Variants in PLEKHA6 observed in about 807,000 individuals in gnomAD.
PLEKHA6 encodes pleckstrin homology domain-containing family A member 6.
A neutral mutation model predicts 116.7 loss-of-function variants in PLEKHA6; 60 were observed. That is an observed-to-expected ratio of 0.51 (90% CI 0.42 to 0.64). PLEKHA6 has a LOEUF of 0.64. PLEKHA6 is among the 30% of genes least tolerant of loss of function. The pLI, the probability that PLEKHA6 is intolerant of heterozygous loss-of-function variation, is 0.00. For synonymous variants in PLEKHA6, 489 were observed against 556.1 expected, an observed-to-expected ratio of 0.88 and a Z score of 1.70; for missense variants, 1,338 against 1,422.7, an observed-to-expected ratio of 0.94 and a Z score of 0.96.
intron 1 of PLEKHA6, among the ~76,000 whole-genome samples, chr1:204,281,651 G>A (rs1359527185): frequency 6.6e-6 from 1 of 152,130 alleles, no homozygotes; most frequent in African/African-American, 2.4e-5. Flanking sequence ...CAAAATACCA[G>A]TTCTCTGGGT....
At chr1:204,329,117 G>A (rs1457651602) in intron 1 of PLEKHA6, among the ~76,000 whole-genome samples, 13 of 152,196 alleles carry the variant, frequency 8.5e-5, no homozygotes, top group Non-Finnish European at 1.5e-5. Context: ...GATTAGAGGG[G>A]ATAGTTGGGA....
chr1:204,329,440 G>C (rs1178008480), intron 1 of PLEKHA6, among the ~76,000 whole-genome samples: 1 of 152,118 alleles, frequency 6.6e-6, no homozygotes, highest in Non-Finnish European at 1.5e-5. Context: ...CTTACTGTGA[G>C]ATCAAAGAAG....
At chr1:204,368,171 C>T (rs1050569554) in intron 2 of PLEKHA6, among the ~76,000 whole-genome samples, 3 of 152,180 alleles carry the variant, frequency 2.0e-5, no homozygotes, top group African/African-American at 4.8e-5. Flanking sequence ...TGAGCATCTA[C>T]GATGCGCCAG....
intron 7 of PLEKHA6, among the ~76,000 whole-genome samples, chr1:204,260,758 G>T (rs1344903903): frequency 6.6e-6 from 1 of 152,226 alleles, no homozygotes; most frequent in Admixed American, 6.5e-5. Context: ...GACCGTGGGT[G>T]ACGGCGGGCG....
chr1:204,335,248 C>T (rs976010296), intron 1 of PLEKHA6, among the ~76,000 whole-genome samples: 19 of 152,118 alleles, frequency 1.2e-4, no homozygotes. Flanking sequence ...TACACAATCT[C>T]TCCCATTCCC....
At position 204,229,183 on chromosome 1, in the gene PLEKHA6, T is replaced by C. The variant is rs1255335879; in HGVS notation, c.2584-79A>G. 3 of 1,424,728 alleles carry C rather than the reference T, an allele frequency of 2.1e-6. No individual in the cohort carries two copies. In the African/African-American group the frequency reaches 4.2e-5, roughly 20 times the overall value. 88.3% of individuals were successfully genotyped at this position (1,424,728 alleles called of 1,614,324 possible). On this transcript the variant is annotated intron_variant, in intron 18 of 22. Coordinates refer to ENST00000272203, the MANE Select transcript of PLEKHA6 (RefSeq NM_014935.5). Reference sequence around the variant, plus strand: ...CTCTAGCTATGCCCTGTCCTCGCTTTCCCTTCCCAGCTCGCCTGATCTAGC... The same window carrying C: ...CTCTAGCTATGCCCTGTCCTCGCTTCCCCTTCCCAGCTCGCCTGATCTAGC...
chr1:204,225,422 TATA>T (rs374323026), intron 21 of PLEKHA6, among the ~76,000 whole-genome samples: 135 of 152,360 alleles, frequency 8.9e-4, no homozygotes, highest in African/African-American at 3.1e-3. Flanking sequence ...GATGTGATAT[TATA>T]ATGTGTGCAA....
chr1:204,245,847 T>TACACAC (rs58927549), intron 13 of PLEKHA6, 121 bp from the exon 14 acceptor site: 6 of 551,844 alleles, frequency 1.1e-5, no homozygotes, highest in South Asian at 2.3e-5. Context: ...GCACCCTGTG[T>TACACAC]ACACACACAC....
In PLEKHA6 at chr1:204,348,732, C is replaced by A. The variant is rs567665544; in HGVS notation, c.-95+10962G>T. On this transcript the variant is annotated intron_variant, in intron 1 of 22. Coordinates refer to ENST00000272203, the MANE Select transcript of PLEKHA6 (RefSeq NM_014935.5). ...GTGCCAAACCCCCCCCCCGCCATCT[C>A]CCCCACCCTGCTGACCTTAGCCTGT... is the stretch of plus-strand genomic sequence containing the variant. Among the ~76,000 whole-genome samples the A allele has an allele frequency of 2.5e-3, 371 of 150,940 alleles. 3 individuals are homozygous for A. Among genetic ancestry groups the A allele is most frequent in the Non-Finnish European group, 3.1e-3 (211 of 67,788 alleles).
chr1:204,294,038 G>GTT (rs1381305233), intron 1 of PLEKHA6, among the ~76,000 whole-genome samples: 2 of 152,208 alleles, frequency 1.3e-5, no homozygotes, highest in African/African-American at 4.8e-5. Context: ...TTGTACTGTG[G>GTT]TTATGCAAGA....
At chr1:204,311,163 C>T (rs1671644271) in intron 1 of PLEKHA6, among the ~76,000 whole-genome samples, 1 of 152,240 alleles carries the variant, frequency 6.6e-6, no homozygotes, top group Non-Finnish European at 1.5e-5. Flanking sequence ...AGCACACTCA[C>T]TACTTTGGAA....
chr1:204,319,868 G>A (rs1483531630), intron 1 of PLEKHA6, among the ~76,000 whole-genome samples: 1 of 152,158 alleles, frequency 6.6e-6, no homozygotes. Context: ...GCAGGGATGA[G>A]GAGGGAGGGA....
At chr1:204,292,234 C>T (rs758355942) in intron 1 of PLEKHA6, among the ~76,000 whole-genome samples, 1 of 152,206 alleles carries the variant, frequency 6.6e-6, no homozygotes, top group Non-Finnish European at 1.5e-5. Context: ...TCACAAAGCA[C>T]TGTCATCATT....
At chr1:204,370,979 G>A (rs1330257060) in intron 2 of PLEKHA6, among the ~76,000 whole-genome samples, 1 of 151,394 alleles carries the variant, frequency 6.6e-6, no homozygotes, top group South Asian at 2.1e-4. Context: ...TCTTGAACCC[G>A]GGAGGCAGAG....
intron 1 of PLEKHA6, among the ~76,000 whole-genome samples, chr1:204,324,000 C>A (rs1672156206): frequency 6.6e-6 from 1 of 152,186 alleles, no homozygotes; most frequent in South Asian, 2.1e-4. Flanking sequence ...ATTCTAATTA[C>A]AAGCATACTG....
At chr1:204,283,033 A>T (rs1668796522) in intron 1 of PLEKHA6, among the ~76,000 whole-genome samples, 1 of 152,222 alleles carries the variant, frequency 6.6e-6, no homozygotes, top group Non-Finnish European at 1.5e-5. Flanking sequence ...GCCGCCTTCC[A>T]GCTCTGAGTT....
chr1:204,294,372 T>C (rs1431107057), intron 1 of PLEKHA6, among the ~76,000 whole-genome samples: 2 of 152,202 alleles, frequency 1.3e-5, no homozygotes, highest in Admixed American at 1.3e-4. Context: ...ATCCAAGTCA[T>C]GATGCTAGCG....
chr1:204,324,275 G>A (rs1040738042), intron 1 of PLEKHA6, among the ~76,000 whole-genome samples: 6 of 152,150 alleles, frequency 3.9e-5, no homozygotes, highest in African/African-American at 1.4e-4. Context: ...AAGGGATTTT[G>A]AAGATGGAAG....
intron 1 of PLEKHA6, among the ~76,000 whole-genome samples, chr1:204,349,996 T>C (rs891675623): frequency 6.6e-6 from 1 of 152,246 alleles, no homozygotes; most frequent in Non-Finnish European, 1.5e-5. Flanking sequence ...GTATTTCTAC[T>C]GGTTGCAGTC....
Sources: allele counts gnomAD v4.1 joint callset (sites outside exome capture counted in the v4.1 genomes callset), GRCh38; gene constraint gnomAD v4.1.1; transcripts MANE v1.5; gene names NCBI Gene and HGNC (gene_info 2026-07-23, HGNC 2026-07-21).